The following PTPRK variants were observed in gnomAD, a reference collection of about 807,000 sequenced individuals.
PTPRK encodes receptor-type tyrosine-protein phosphatase kappa.
PTPRK carries 75 observed loss-of-function variants against 178.0 expected under a neutral mutation model. The ratio of observed to expected loss-of-function variants is 0.42; its 90% CI spans 0.35 to 0.51. The LOEUF (loss-of-function observed/expected upper bound fraction) is 0.51. PTPRK is among the 20% of genes least tolerant of loss of function. PTPRK has a pLI of 0.02. For missense variants in PTPRK, 1,441 were observed against 1,797.8 expected, an observed-to-expected ratio of 0.80 and a Z score of 3.59; for synonymous variants, 637 against 620.6, an observed-to-expected ratio of 1.03 and a Z score of -0.39.
At chr6:128,029,130 G>A (rs1228577718) in intron 13 of PTPRK, among the ~76,000 whole-genome samples, 1 of 152,086 alleles carries the variant, frequency 6.6e-6, no homozygotes, top group Non-Finnish European at 1.5e-5. Context: ...GCTCTCTCAC[G>A]AATGCCTTGG....
intron 6 of PTPRK, among the ~76,000 whole-genome samples, chr6:128,210,924 T>C (rs900939905): frequency 6.6e-6 from 1 of 152,152 alleles, no homozygotes; most frequent in Non-Finnish European, 1.5e-5. Context: ...TGTGTCATCA[T>C]AGCTAAATCT....
At position 128,435,038 on chromosome 6, in the gene PTPRK, CAGGAAGGCAGGAAGGA is replaced by C. The variant is rs1256307526; in HGVS notation, c.101-37366_101-37351del. ...GCAAGAAGGAAGTAAGACAGGAAGG[CAGGAAGGCAGGAAGGA>C]AGGAAGGAAGGAAGGAAGGAAGGAA... On this transcript the variant is annotated intron_variant, in intron 1 of 29. Coordinates refer to ENST00000368226, the MANE Select transcript of PTPRK (RefSeq NM_002844.4). Among the ~76,000 whole-genome samples, 31 of 75,974 alleles carry C rather than the reference CAGGAAGGCAGGAAGGA, an allele frequency of 4.1e-4. 2 individuals are homozygous for C. The highest frequency in any genetic ancestry group is 2.1e-3 in the African/African-American group (27 of 12,990). 49.8% of individuals were successfully genotyped at this position (75,974 alleles called of 152,430 possible).
At chr6:128,359,865 G>C (rs1562353930) in intron 2 of PTPRK, among the ~76,000 whole-genome samples, 1 of 152,166 alleles carries the variant, frequency 6.6e-6, no homozygotes, top group African/African-American at 2.4e-5. Context: ...TAGCCATAGA[G>C]TGCATGGCAA....
At chr6:128,191,758 G>C (rs964005689) in intron 6 of PTPRK, among the ~76,000 whole-genome samples, 5 of 151,858 alleles carry the variant, frequency 3.3e-5, no homozygotes, top group African/African-American at 9.7e-5. Flanking sequence ...ACAATAATAG[G>C]TTCCTCTAGA....
intron 2 of PTPRK, among the ~76,000 whole-genome samples, chr6:128,349,037 A>G (rs1263348048): frequency 6.6e-6 from 1 of 152,120 alleles, no homozygotes; most frequent in Non-Finnish European, 1.5e-5. Context: ...ATAAGAAGGC[A>G]ATTACCAGAA....
chr6:128,136,493 AT>A (rs112923642), intron 7 of PTPRK, among the ~76,000 whole-genome samples: 3,867 of 152,188 alleles, frequency 0.025, 73 homozygotes, highest in Middle Eastern at 0.095. Flanking sequence ...TGATTCAAAT[AT>A]TTTTTTATGA....
chr6:127,998,648 G>A (rs1044782816), intron 16 of PTPRK, 72 bp downstream of exon 16: 4 of 1,327,138 alleles, frequency 3.0e-6, no homozygotes, highest in African/African-American at 3.0e-5. Context: ...TAAAGAGAGG[G>A]AAAAAAATGC....
chr6:128,137,100 C>G (rs959979583), intron 7 of PTPRK, among the ~76,000 whole-genome samples: 1 of 152,172 alleles, frequency 6.6e-6, no homozygotes, highest in Non-Finnish European at 1.5e-5. Context: ...ATAACCATGT[C>G]CCCTCCTCCC....
intron 13 of PTPRK, among the ~76,000 whole-genome samples, chr6:128,036,035 G>A (rs923109186): frequency 6.6e-6 from 1 of 152,062 alleles, no homozygotes. Context: ...TTGAAATTAC[G>A]TATGTTGGTA....
chr6:128,389,384 G>T (rs887755722), intron 2 of PTPRK, among the ~76,000 whole-genome samples: 3 of 130,416 alleles, frequency 2.3e-5, no homozygotes, highest in Non-Finnish European at 3.2e-5. Flanking sequence ...ACCTTTTCTT[G>T]TTTGCTCGGT....
At chr6:128,348,946 A>G (rs1454583843) in intron 2 of PTPRK, among the ~76,000 whole-genome samples, 1 of 152,108 alleles carries the variant, frequency 6.6e-6, no homozygotes, top group African/African-American at 2.4e-5. Flanking sequence ...ATAAAAATCC[A>G]CCTATCTAAG....
At chr6:128,255,904 T>C (rs1310821826) in intron 3 of PTPRK, among the ~76,000 whole-genome samples, 1 of 152,238 alleles carries the variant, frequency 6.6e-6, no homozygotes, top group African/African-American at 2.4e-5. Flanking sequence ...TTCAGAACTT[T>C]TTCCTTTTCA....
intron 1 of PTPRK, among the ~76,000 whole-genome samples, chr6:128,497,321 C>T (rs1159921189): frequency 1.3e-5 from 2 of 151,974 alleles, no homozygotes; most frequent in African/African-American, 2.4e-5. Flanking sequence ...AAAAAATAAC[C>T]ATTTTATGCT....
At chr6:128,206,374 G>C (rs1468212428) in intron 6 of PTPRK, among the ~76,000 whole-genome samples, 1 of 128,320 alleles carries the variant, frequency 7.8e-6, no homozygotes, top group East Asian at 2.3e-4. Context: ...CCAGCAGAAA[G>C]ATACATGCTG....
chr6:128,493,885 C>G (rs1170268468), intron 1 of PTPRK, among the ~76,000 whole-genome samples: 2 of 152,172 alleles, frequency 1.3e-5, no homozygotes, highest in Non-Finnish European at 2.9e-5. Context: ...TCTGCCTTCT[C>G]TAAGCACTTC....
intron 5 of PTPRK, chr6:128,232,071 T>C (rs7755473): frequency 0.032 from 4,879 of 152,286 alleles, 311 homozygotes; most frequent in East Asian, 0.31. Context: ...GTACCAACTT[T>C]TCCATAAATT....
At chr6:128,469,940 A>G (rs1241908945) in intron 1 of PTPRK, among the ~76,000 whole-genome samples, 1 of 152,144 alleles carries the variant, frequency 6.6e-6, no homozygotes, top group African/African-American at 2.4e-5. Context: ...TCCAGAAGGA[A>G]CCTAGCCCTG....
At chr6:128,361,215 T>C (rs1040533994) in intron 2 of PTPRK, among the ~76,000 whole-genome samples, 1 of 152,130 alleles carries the variant, frequency 6.6e-6, no homozygotes, top group African/African-American at 2.4e-5. Flanking sequence ...AAAACTACTA[T>C]CTCAGGAAAG....
intron 7 of PTPRK, among the ~76,000 whole-genome samples, chr6:128,098,672 C>A (rs780991465): frequency 1.3e-5 from 2 of 151,970 alleles, no homozygotes; most frequent in East Asian, 1.9e-4. Context: ...TATCTTCATT[C>A]GGTAAATTAC....
Sources: allele counts gnomAD v4.1 joint callset (sites outside exome capture counted in the v4.1 genomes callset), GRCh38; gene constraint gnomAD v4.1.1; transcripts MANE v1.5; gene names NCBI Gene and HGNC (gene_info 2026-07-23, HGNC 2026-07-21).